ATAD2B: variants seen among roughly 807,000 people sequenced by gnomAD.
ATAD2B encodes the protein ATPase family AAA domain containing 2B.
In ATAD2B, 40 loss-of-function variants were observed where a neutral mutation model predicts 167.6. The ratio of observed to expected loss-of-function variants is 0.24; its 90% CI spans 0.19 to 0.31. The LOEUF is 0.31. Among genes scored for constraint, ATAD2B ranks in the 10% least tolerant of loss-of-function variants. The probability of loss-of-function intolerance (pLI) is 1.00; values close to 1 mark genes in which losing one functional copy is unlikely to be tolerated. For missense variants in ATAD2B, 1,242 were observed against 1,757.2 expected, an observed-to-expected ratio of 0.71 and a Z score of 5.24; for synonymous variants, 579 against 596.5, an observed-to-expected ratio of 0.97 and a Z score of 0.43.
At chr2:23,841,499 G>C (rs1690902912) in intron 13 of ATAD2B, among the ~76,000 whole-genome samples, 1 of 151,772 alleles carries the variant, frequency 6.6e-6, no homozygotes, top group African/African-American at 2.4e-5. Context: ...TCCATGGTGT[G>C]GCATGTGTCA....
At chr2:23,917,492 C>CGG (rs1703211137) in intron 1 of ATAD2B, among the ~76,000 whole-genome samples, 2 of 152,044 alleles carry the variant, frequency 1.3e-5, no homozygotes, top group Admixed American at 1.3e-4. Context: ...CAGCAATAAA[C>CGG]GCAAATGTAT....
At chr2:23,723,470 GGGAAGGAGGGAA>G in the ATAD2B span, among the ~76,000 whole-genome samples, 88 of 124,472 alleles carry the variant, frequency 7.1e-4, 1 homozygote, top group African/African-American at 2.6e-3. Flanking sequence ...GAGGGAGGGA[GGGAAGGAGGGAA>G]GGAAGGGAGG....
chr2:23,886,127 G>A (rs983030262), intron 4 of ATAD2B, among the ~76,000 whole-genome samples: 1 of 151,536 alleles, frequency 6.6e-6, no homozygotes, highest in African/African-American at 2.4e-5. Context: ...ATATTTTTTT[G>A]TGGAGATGGG....
chr2:23,875,585 C>T (rs1696705720), intron 8 of ATAD2B, among the ~76,000 whole-genome samples: 1 of 151,734 alleles, frequency 6.6e-6, no homozygotes, highest in African/African-American at 2.4e-5. Flanking sequence ...CAGATTAACT[C>T]GAATCAGTGC....
At chr2:23,896,045 A>G in intron 1 of ATAD2B, 75 bp from the exon 2 acceptor site, 4 of 1,259,192 alleles carry the variant, frequency 3.2e-6, no homozygotes, top group Non-Finnish European at 4.4e-6. Context: ...GGGGCCAGGC[A>G]GTGGCTCACT....
intron 9 of ATAD2B, 34 bp from the exon 10 acceptor site, chr2:23,867,980 TA>T (rs772934167): frequency 7.1e-6 from 10 of 1,418,052 alleles, no homozygotes; most frequent in Non-Finnish European, 9.9e-6. Flanking sequence ...AAAGTTGCAT[TA>T]AAAGTTTCAC....
At chr2:23,740,426 T>G in the ATAD2B span, among the ~76,000 whole-genome samples, 1 of 151,444 alleles carries the variant, frequency 6.6e-6, no homozygotes, top group African/African-American at 2.4e-5. Flanking sequence ...TAATCCAGCA[T>G]ATAAACAGAA....
At chr2:23,815,286 T>C (rs1384269984) in intron 17 of ATAD2B, among the ~76,000 whole-genome samples, 1 of 152,112 alleles carries the variant, frequency 6.6e-6, no homozygotes, top group East Asian at 1.9e-4. Flanking sequence ...AGAATAGTGT[T>C]AGAGAAAGAA....
chr2:23,696,568 A>G, the ATAD2B span: 1 of 1,372,794 alleles, frequency 7.3e-7, no homozygotes, highest in South Asian at 1.4e-5. The surrounding 1 kb of genome is among the most constrained non-coding windows in gnomAD (Gnocchi z 5.5). Context: ...AAGAACTGAA[A>G]TCACGTCACT....
chr2:23,913,565 G>C (rs1702597436), intron 1 of ATAD2B, among the ~76,000 whole-genome samples: 3 of 151,566 alleles, frequency 2.0e-5, no homozygotes, highest in Admixed American at 1.3e-4. Flanking sequence ...GCTTTAACCT[G>C]GGAGGTGGAG....
chr2:23,885,882 A>G, intron 4 of ATAD2B, 53 bp from the exon 5 acceptor site: 1 of 1,029,606 alleles, frequency 9.7e-7, no homozygotes. Context: ...CCATATACAT[A>G]AAAGAGCTCT....
chr2:23,770,281 A>C (rs1678124707), intron 22 of ATAD2B, among the ~76,000 whole-genome samples: 1 of 151,978 alleles, frequency 6.6e-6, no homozygotes, highest in African/African-American at 2.4e-5. Flanking sequence ...ATGCCACTGC[A>C]CTCCAGCCTA....
chr2:23,781,424 G>T (rs1680040600), intron 22 of ATAD2B, among the ~76,000 whole-genome samples: 1 of 152,054 alleles, frequency 6.6e-6, no homozygotes, highest in Non-Finnish European at 1.5e-5. Context: ...CAGCACTTTG[G>T]GAGACCGAGG....
the ATAD2B span, among the ~76,000 whole-genome samples, chr2:23,720,691 G>A: frequency 2.6e-5 from 4 of 152,034 alleles, no homozygotes; most frequent in Non-Finnish European, 4.4e-5. Context: ...CCCATCACAG[G>A]GAAAAGGTAA....
chr2:23,811,690 T>C (rs7565108), intron 17 of ATAD2B, among the ~76,000 whole-genome samples: 124,304 of 151,948 alleles, frequency 0.82, 50,950 homozygotes, highest in East Asian at 0.94. Flanking sequence ...GGCACATGTA[T>C]ACCTACGTAA....
intron 13 of ATAD2B, among the ~76,000 whole-genome samples, chr2:23,842,444 C>T (rs779566921): frequency 3.9e-5 from 6 of 152,186 alleles, no homozygotes; most frequent in Non-Finnish European, 8.8e-5. Flanking sequence ...GGTGAGTAAA[C>T]AGAGACAGAT....
rs1478126462 is a variant in ATAD2B, at chr2:23,758,996, T to C, written c.3395-895A>G. On this transcript the variant is annotated intron_variant, in intron 24 of 27. Coordinates refer to ENST00000238789, the MANE Select transcript of ATAD2B (RefSeq NM_017552.4). ...CACATATGTATCAAATTGAGGTAGA[T>C]GGTTAAGCAAGTCTACCTCATTGTC... 3.3e-5 allele frequency among the ~76,000 whole-genome samples: 5 copies of C among 152,190 alleles called. No individual in the cohort carries two copies. The East Asian group carries it at 9.6e-4, about 29-fold the overall frequency.
intron 1 of ATAD2B, among the ~76,000 whole-genome samples, chr2:23,912,710 G>A (rs1261087339): frequency 1.3e-5 from 2 of 151,996 alleles, no homozygotes; most frequent in Non-Finnish European, 2.9e-5. Flanking sequence ...TTAATATGGG[G>A]CCGGGCACAA....
chr2:23,914,234 G>A (rs1247022673), intron 1 of ATAD2B, among the ~76,000 whole-genome samples: 2 of 152,080 alleles, frequency 1.3e-5, no homozygotes, highest in Non-Finnish European at 2.9e-5. Context: ...CTATCAGAAT[G>A]AACAAAATGA....
Sources: gnomAD v4.1 joint callset for allele counts (sites outside exome capture counted in the v4.1 genomes callset) on GRCh38, gnomAD v4.1.1 for gene constraint, Gnocchi (gnomAD v3.1) non-coding constraint, MANE v1.5 for transcripts, NCBI Gene and HGNC (gene_info 2026-07-23, HGNC 2026-07-21) for gene names.